The following LRRC17 variants were observed in gnomAD, a reference collection of about 807,000 sequenced individuals.
LRRC17 encodes leucine rich repeat containing 17.
A neutral mutation model predicts 41.5 loss-of-function variants in LRRC17; 33 were observed. The observed-to-expected ratio is 0.80, with a 90% confidence interval of 0.60 to 1.06. The LOEUF is 1.06. Among genes scored for constraint, LRRC17 ranks in the 50% least tolerant of loss-of-function variants. The pLI, the probability that LRRC17 is intolerant of heterozygous loss-of-function variation, is 0.00. For missense variants in LRRC17, 491 were observed against 519.3 expected, an observed-to-expected ratio of 0.95 and a Z score of 0.53; for synonymous variants, 192 against 197.0, an observed-to-expected ratio of 0.97 and a Z score of 0.21.
chr7:102,919,788 A>C (rs1282108687), intron 1 of LRRC17, among the ~76,000 whole-genome samples: 9 of 152,254 alleles, frequency 5.9e-5, no homozygotes, highest in Admixed American at 5.9e-4. Flanking sequence ...CAATGGCTAA[A>C]CTATCTGACT....
rs560270237 is a variant in LRRC17 at position 102,936,614 on chromosome 7, T to C, written c.772+1929T>C. On this transcript the variant is annotated intron_variant, in intron 2 of 3. Transcript: ENST00000339431. Reference sequence around the variant, plus strand: ...TTAGATTGAAAACTGGAATTATATATTTTTAATACTAATACAAAGCTACTC... The same window carrying C: ...TTAGATTGAAAACTGGAATTATATACTTTTAATACTAATACAAAGCTACTC... Among the ~76,000 whole-genome samples the C allele has an allele frequency of 2.6e-5, 4 of 152,326 alleles. No individual in the cohort carries two copies. The South Asian group carries it at 8.3e-4, about 32-fold the overall frequency.
chr7:102,932,031 C>T, intron 1 of LRRC17: 1 of 1,151,080 alleles, frequency 8.7e-7, no homozygotes, highest in Non-Finnish European at 1.2e-6. Flanking sequence ...CATTAGAAAA[C>T]AAACAAAAAC....
chr7:102,934,487 T>C lies in LRRC17; in HGVS notation c.574T>C (p.Cys192Arg). Residue 192 changes from cysteine (C) to arginine (R), a missense_variant, in exon 2 of 4, where the codon TGT (cysteine) becomes CGT (arginine). By Grantham distance (180) the Cys-to-Arg change is radical (BLOSUM62 -3). Transcript: ENST00000339431. ...CCGGAATTTGGGGAACTACGCCAAG[T>C]GTGAAAGTCCACAAGAACAAAAAAA... ...RNRNLGNYAKCESPQEQKNKK... is the reference protein window; with the variant it reads ...RNRNLGNYAKRESPQEQKNKK... 1 of 1,614,116 alleles carries C rather than the reference T, an allele frequency of 6.2e-7. No individual in the cohort carries two copies.
rs111425026 is a variant in LRRC17, at chr7:102,923,685, G to A, written c.-140-10089G>A. On this transcript the variant is annotated intron_variant, in intron 1 of 3. Coordinates refer to ENST00000339431, the MANE Select transcript of LRRC17 (RefSeq NM_001031692.3). ...AAAATACAAAAAAACTTAGCCAGGC[G>A]TGGTGGCGGGCGCCTGTAATCCCAG... 1.4e-4 allele frequency among the ~76,000 whole-genome samples: 21 copies of A among 152,120 alleles called. No individual in the cohort carries two copies. In the East Asian group the frequency reaches 1.9e-3, roughly 14 times the overall value.
chr7:102,940,438 C>T (rs1382520950), intron 3 of LRRC17, among the ~76,000 whole-genome samples: 1 of 150,926 alleles, frequency 6.6e-6, no homozygotes, highest in Non-Finnish European at 1.5e-5. Context: ...TCTCTATCTC[C>T]TGACCTCATG....
chr7:102,923,642 G>T (rs1817519958), intron 1 of LRRC17, among the ~76,000 whole-genome samples: 1 of 151,830 alleles, frequency 6.6e-6, no homozygotes, highest in Non-Finnish European at 1.5e-5. Flanking sequence ...CCAATATGGT[G>T]AAACCCCATC....
intron 1 of LRRC17, among the ~76,000 whole-genome samples, chr7:102,925,143 C>T (rs1817870260): frequency 6.6e-6 from 1 of 152,168 alleles, no homozygotes; most frequent in South Asian, 2.1e-4. Context: ...TGGCTCATGC[C>T]AGCACTTTGG....
intron 2 of LRRC17, chr7:102,936,214 C>T (rs1411331338): frequency 6.6e-6 from 1 of 152,212 alleles, no homozygotes; most frequent in African/African-American, 2.4e-5. Flanking sequence ...CTCCAGGTAC[C>T]CACACACGCA....
chr7:102,933,677 T>A (rs946740175), intron 1 of LRRC17, 97 bp from the exon 2 acceptor site: 2 of 327,144 alleles, frequency 6.1e-6, no homozygotes, highest in African/African-American at 4.3e-5. Context: ...TCTGTGGAAC[T>A]AGAAGGCCTT....
intron 1 of LRRC17, among the ~76,000 whole-genome samples, chr7:102,917,128 A>G (rs1816053909): frequency 1.3e-5 from 2 of 152,210 alleles, no homozygotes; most frequent in Admixed American, 1.3e-4. Context: ...CATTTCAAGT[A>G]ATAGAATTCT....
chr7:102,913,090 G>A lies in LRRC17; in HGVS notation c.-196G>A. On this transcript the variant is annotated 5_prime_UTR_variant, in exon 1 of 4. In the 5' UTR this introduces an upstream ATG that the reference lacks. Transcript: ENST00000339431. ...AGAGAAGACTGAAAGACAAACCTGG[G>A]TGCAGCCAGAGAGGTCCAGATAGAT... is the stretch of plus-strand genomic sequence containing the variant. The A allele has an allele frequency of 6.2e-7, 1 of 1,614,128 alleles. No homozygotes were observed.
At chr7:102,943,509 C>T (rs1821869320) in intron 3 of LRRC17, among the ~76,000 whole-genome samples, 4 of 152,100 alleles carry the variant, frequency 2.6e-5, no homozygotes, top group Admixed American at 2.6e-4. Context: ...TCTATCAATC[C>T]AGAAATTCTC....
intron 3 of LRRC17, among the ~76,000 whole-genome samples, chr7:102,940,976 T>G (rs1445004998): frequency 6.6e-6 from 1 of 152,240 alleles, no homozygotes; most frequent in Non-Finnish European, 1.5e-5. Context: ...CTAATACCAT[T>G]AATAGAACAT....
intron 1 of LRRC17, among the ~76,000 whole-genome samples, chr7:102,925,219 C>A (rs762745391): frequency 6.6e-6 from 1 of 151,994 alleles, no homozygotes; most frequent in Non-Finnish European, 1.5e-5. Flanking sequence ...CATGGTGAAA[C>A]CCCATCTCTA....
intron 1 of LRRC17, among the ~76,000 whole-genome samples, chr7:102,923,305 G>C (rs979868761): frequency 2.0e-5 from 3 of 152,056 alleles, no homozygotes; most frequent in African/African-American, 4.8e-5. Context: ...AATAAATCAA[G>C]CCCCGATTTG....
rs763191276 is a variant in LRRC17, at chr7:102,944,423, C to A, written c.1142C>A (p.Pro381His). 4 of 1,613,898 alleles carry A rather than the reference C, an allele frequency of 2.5e-6. No homozygotes were observed. Among genetic ancestry groups the A allele is most frequent in the Middle Eastern group, 1.6e-4 (1 of 6,062 alleles). Residue 381 changes from proline to histidine, a missense_variant, in exon 4 of 4, where the codon CCT (proline) becomes CAT (histidine). By Grantham distance (77) the Pro-to-His change is moderately conservative. Transcript: ENST00000339431. ...VHFNGLECKT[P>H]EEYKGWSVGK... is the part of the protein sequence containing the mutation. The stretch of plus-strand genomic sequence containing the variant: ...TTTAATGGCCTGGAATGCAAAACGC[C>A]TGAAGAATACAAAGGATGGTCTGTG...
At chr7:102,922,952 T>C (rs1390467881) in intron 1 of LRRC17, among the ~76,000 whole-genome samples, 1 of 152,012 alleles carries the variant, frequency 6.6e-6, no homozygotes, top group Non-Finnish European at 1.5e-5. Flanking sequence ...CACTCCAGCC[T>C]GGGCGACAGA....
intron 1 of LRRC17, among the ~76,000 whole-genome samples, chr7:102,921,445 C>T (rs956378657): frequency 6.6e-6 from 1 of 151,930 alleles, no homozygotes; most frequent in Non-Finnish European, 1.5e-5. Context: ...TTTGGGAGGC[C>T]GAAGTGGGTG....
intron 1 of LRRC17, among the ~76,000 whole-genome samples, chr7:102,928,488 A>T (rs895853125): frequency 2.6e-5 from 4 of 152,222 alleles, no homozygotes; most frequent in African/African-American, 7.2e-5. Flanking sequence ...CTCAAAGGGA[A>T]AAACAATAGT....
Sources: gnomAD v4.1 joint callset for allele counts (sites outside exome capture counted in the v4.1 genomes callset) on GRCh38, gnomAD v4.1.1 for gene constraint, MANE v1.5 for transcripts, NCBI Gene and HGNC (gene_info 2026-07-23, HGNC 2026-07-21) for gene names.